The following MANBA variants were observed in gnomAD, a reference collection of about 807,000 sequenced individuals.
MANBA encodes the protein mannosidase beta.
MANBA carries 83 observed loss-of-function variants against 111.1 expected under a neutral mutation model. The observed-to-expected ratio is 0.75, with a 90% CI of 0.63 to 0.90. MANBA has a LOEUF of 0.90. MANBA is among the 40% of genes least tolerant of loss of function. The pLI is 0.00. For missense variants in MANBA, 1,036 were observed against 1,069.0 expected, an observed-to-expected ratio of 0.97 and a Z score of 0.43; for synonymous variants, 370 against 378.7, an observed-to-expected ratio of 0.98 and a Z score of 0.27.
At chr4:102,754,757 C>T (rs575228583) in intron 1 of MANBA, among the ~76,000 whole-genome samples, 26 of 152,100 alleles carry the variant, frequency 1.7e-4, no homozygotes, top group South Asian at 4.2e-4. Context: ...GGGGTTTCAC[C>T]GTATTAGCCA....
chr4:102,666,263 A>C (rs1560759517), intron 10 of MANBA: 1 of 152,276 alleles, frequency 6.6e-6, no homozygotes, highest in African/African-American at 2.4e-5. Context: ...CATAAATGTT[A>C]GATTTTAATT....
At chr4:102,689,742 A>C in intron 6 of MANBA, 58 bp from the exon 7 acceptor site, 1 of 941,626 alleles carries the variant, frequency 1.1e-6, no homozygotes, top group Non-Finnish European at 1.8e-6. Flanking sequence ...AAAAAGGCTC[A>C]AAGCATTACA....
chr4:102,693,014 A>G (rs1213948184), intron 5 of MANBA, among the ~76,000 whole-genome samples: 1 of 152,216 alleles, frequency 6.6e-6, no homozygotes. Flanking sequence ...AAAAGCATAG[A>G]TTTGATGCAC....
At chr4:102,730,663 G>A in intron 1 of MANBA, 1 of 539,388 alleles carries the variant, frequency 1.9e-6, no homozygotes. Context: ...CTCAGTGCTC[G>A]TGTGCTTCTT....
chr4:102,664,542 G>A (rs1731124635), intron 11 of MANBA, 143 bp downstream of exon 11: 2 of 683,024 alleles, frequency 2.9e-6, no homozygotes, highest in Non-Finnish European at 5.1e-6. Flanking sequence ...AGTAGAGACG[G>A]GGTTTCACCG....
At chr4:102,690,856 G>T in intron 5 of MANBA, 85 bp from the exon 6 acceptor site, 3 of 513,994 alleles carry the variant, frequency 5.8e-6, no homozygotes, top group Non-Finnish European at 8.4e-6. Context: ...ATTCATTGAA[G>T]GTAAGACTAA....
chr4:102,729,661 G>C (rs574659115), intron 1 of MANBA: 3 of 1,480,138 alleles, frequency 2.0e-6, no homozygotes, highest in Non-Finnish European at 2.8e-6. Flanking sequence ...TCCTCCACCA[G>C]CCCGGGCATG....
chr4:102,727,315 C>T (rs1270844261), intron 1 of MANBA: 4 of 646,734 alleles, frequency 6.2e-6, no homozygotes, highest in African/African-American at 5.5e-5. Flanking sequence ...TCCGTGCTCT[C>T]ATTGATATAG....
At chr4:102,727,256 T>C (rs1722846027) in intron 1 of MANBA, 1 of 497,806 alleles carries the variant, frequency 2.0e-6, no homozygotes, top group Non-Finnish European at 3.7e-6. Flanking sequence ...CATGTTTCTG[T>C]GTGGTCCTCA....
intron 1 of MANBA, chr4:102,753,878 A>G (rs1723900013): frequency 2.4e-6 from 1 of 421,254 alleles, no homozygotes; most frequent in African/African-American, 2.1e-5. Flanking sequence ...AGCTCAGGAG[A>G]TCGAGACCAG....
At position 102,631,880 on chromosome 4, in the gene MANBA, A is replaced by G. The variant is rs1408299405; in HGVS notation, c.*177T>C. ...TTGTTTGAGGACATTGCCTGGGTAAACAGCCTCCCCTGAAAGTGTTCAGTG... is the reference window on the plus strand; with the variant it reads ...TTGTTTGAGGACATTGCCTGGGTAAGCAGCCTCCCCTGAAAGTGTTCAGTG... On this transcript the variant is annotated 3_prime_UTR_variant, in exon 17 of 17. Coordinates refer to ENST00000647097, the MANE Select transcript of MANBA (RefSeq NM_005908.4). 2 of 668,466 alleles carry G rather than the reference A, an allele frequency of 3.0e-6. No individual in the cohort carries two copies. The highest frequency in any genetic ancestry group is 3.6e-5 in the African/African-American group (2 of 56,112). 41.4% of individuals were successfully genotyped at this position (668,466 alleles called of 1,614,324 possible).
rs1414358855 is a variant in MANBA, at chr4:102,659,899, T to C, written c.1486-1999A>G. ...AGTTTCCCCCAACCTTCCTGATTCT[T>C]CCTTCTCCAGCTACCCTCTCCATCC... On this transcript the variant is annotated intron_variant, in intron 11 of 16. Coordinates refer to ENST00000647097, the MANE Select transcript of MANBA (RefSeq NM_005908.4). Among the ~76,000 whole-genome samples the C allele has an allele frequency of 5.9e-5, 9 of 152,088 alleles. No individual in the cohort carries two copies. The East Asian group carries it at 1.5e-3, about 26-fold the overall frequency.
chr4:102,639,004 T>A lies in MANBA; in HGVS notation c.2014+709A>T, dbSNP rs551563792. 2.0e-5 allele frequency among the ~76,000 whole-genome samples: 3 copies of A among 152,328 alleles called. No individual in the cohort carries two copies. The South Asian group carries it at 6.2e-4, about 32-fold the overall frequency. On this transcript the variant is annotated intron_variant, in intron 14 of 16. Coordinates refer to ENST00000647097, the MANE Select transcript of MANBA (RefSeq NM_005908.4). ...CCAAACTATTCTTTACATTATTAAC[T>A]GAACTTTGTTTCAAGTCATCTCTAG... is the stretch of plus-strand genomic sequence containing the variant.
intron 5 of MANBA, among the ~76,000 whole-genome samples, chr4:102,692,142 A>G (rs227374): frequency 0.6 from 91,137 of 151,994 alleles, 28,325 homozygotes; most frequent in South Asian, 0.8. Context: ...GAATTGCTAA[A>G]GGTCCCAGCA....
intron 1 of MANBA, among the ~76,000 whole-genome samples, chr4:102,736,519 C>T (rs939853036): frequency 3.3e-5 from 5 of 152,136 alleles, no homozygotes; most frequent in Non-Finnish European, 7.4e-5. Flanking sequence ...AGACTTTACC[C>T]CAGATACAAT....
chr4:102,715,308 A>C (rs1212055112), intron 4 of MANBA, among the ~76,000 whole-genome samples: 1 of 152,114 alleles, frequency 6.6e-6, no homozygotes, highest in African/African-American at 2.4e-5. Flanking sequence ...GTGAGCTCAG[A>C]AACAGACTCT....
In MANBA at chr4:102,673,942, G is replaced by A; in HGVS notation, c.1089C>T (p.Phe363=). The change falls in exon 8 of 17, where the codon TTC becomes TTT. Residue 363 remains phenylalanine (F), a synonymous_variant. Transcript: ENST00000647097. The part of the protein sequence containing the change: ...KGSNWIPADS[F]QDRVTSELLR... ...ACAACTCAGAGGTTACTCGGTCCTG[G>A]AATGAATCTGCTGGGATCCAGTTTG... The A allele has an allele frequency of 6.2e-7, 1 of 1,611,442 alleles. No homozygotes were observed. The highest frequency in any genetic ancestry group is 8.5e-7 in the Non-Finnish European group (1 of 1,177,574).
chr4:102,735,756 T>C (rs754244320), intron 1 of MANBA, among the ~76,000 whole-genome samples: 9 of 152,184 alleles, frequency 5.9e-5, no homozygotes, highest in Non-Finnish European at 1.0e-4. Context: ...AAAAGTATCA[T>C]TTGTCAACCA....
chr4:102,728,424 G>C, intron 1 of MANBA: 1 of 474,602 alleles, frequency 2.1e-6, no homozygotes, highest in South Asian at 1.6e-5. Flanking sequence ...AATTTCATGA[G>C]TTTTTGGATG....
Sources: allele counts gnomAD v4.1 joint callset (sites outside exome capture counted in the v4.1 genomes callset), GRCh38; gene constraint gnomAD v4.1.1; transcripts MANE v1.5; gene names NCBI Gene and HGNC (gene_info 2026-07-23, HGNC 2026-07-21).